The following SGCD variants were observed in gnomAD, a reference collection of about 807,000 sequenced individuals.
SGCD encodes sarcoglycan delta.
A neutral mutation model predicts 36.6 loss-of-function variants in SGCD; 18 were observed. The ratio of observed to expected loss-of-function variants is 0.49; its 90% confidence interval spans 0.34 to 0.73. SGCD has a LOEUF of 0.73. Ranked by LOEUF, SGCD falls within the 30% of genes least tolerant of loss-of-function variation. The pLI, the probability that SGCD is intolerant of heterozygous loss-of-function variation, is 0.01. For missense variants in SGCD, 387 were observed against 346.7 expected (o/e 1.12, Z -0.92); for synonymous variants, 133 against 130.6 (o/e 1.02, Z -0.12).
chr5:156,288,535 C>T (rs1260473612), intron 3 of SGCD, among the ~76,000 whole-genome samples: 1 of 152,128 alleles, frequency 6.6e-6, no homozygotes, highest in Admixed American at 6.6e-5. Flanking sequence ...AGAGAACCAA[C>T]TAGGCTTTTT....
intron 4 of SGCD, among the ~76,000 whole-genome samples, chr5:156,550,694 C>T (rs1225620707): frequency 6.6e-6 from 1 of 152,198 alleles, no homozygotes; most frequent in Non-Finnish European, 1.5e-5. Flanking sequence ...GATTCCCGCT[C>T]TCTGAGCCCA....
At chr5:156,560,988 A>G (rs775314126) in intron 4 of SGCD, among the ~76,000 whole-genome samples, 7 of 152,212 alleles carry the variant, frequency 4.6e-5, no homozygotes, top group Non-Finnish European at 1.0e-4. Context: ...AATTGCTACT[A>G]TTGTAATTAT....
At chr5:155,915,834 G>A (rs1756723118) in intron 1 of SGCD, among the ~76,000 whole-genome samples, 1 of 152,152 alleles carries the variant, frequency 6.6e-6, no homozygotes, top group South Asian at 2.1e-4. Context: ...AAGTCACATA[G>A]CACTTCCAAA....
intron 3 of SGCD, among the ~76,000 whole-genome samples, chr5:156,217,399 T>A (rs571749433): frequency 1.3e-5 from 2 of 152,162 alleles, no homozygotes; most frequent in Admixed American, 1.3e-4. Flanking sequence ...CCTCTATAGA[T>A]CACCAAGGAG....
At chr5:155,737,536 C>T in the SGCD span, among the ~76,000 whole-genome samples, 2 of 152,216 alleles carry the variant, frequency 1.3e-5, no homozygotes, top group Admixed American at 6.5e-5. Context: ...TCATGACACT[C>T]ATGGGTTGGA....
At chr5:155,808,476 A>T in the SGCD span, among the ~76,000 whole-genome samples, 1 of 152,344 alleles carries the variant, frequency 6.6e-6, no homozygotes, top group Non-Finnish European at 1.5e-5. Flanking sequence ...GCTGTTGTGA[A>T]GAATCTGTAG....
intron 3 of SGCD, among the ~76,000 whole-genome samples, chr5:156,308,768 C>T (rs1331744686): frequency 1.3e-5 from 2 of 152,122 alleles, no homozygotes; most frequent in Non-Finnish European, 2.9e-5. Context: ...CAGAACTGAA[C>T]CATATTGTAG....
chr5:156,614,356 G>A (rs1395741867), intron 6 of SGCD, among the ~76,000 whole-genome samples: 2 of 152,182 alleles, frequency 1.3e-5, no homozygotes, highest in Non-Finnish European at 2.9e-5. Context: ...AATCCAGGCA[G>A]TCTTCACCAC....
chr5:156,287,201 T>C (rs2127675969), intron 3 of SGCD, among the ~76,000 whole-genome samples: 1 of 152,286 alleles, frequency 6.6e-6, no homozygotes, highest in East Asian at 1.9e-4. Flanking sequence ...CTGTGCAACA[T>C]AATCTCTTGT....
the SGCD span, among the ~76,000 whole-genome samples, chr5:155,731,333 G>A: frequency 6.6e-6 from 1 of 152,020 alleles, no homozygotes; most frequent in Non-Finnish European, 1.5e-5. Flanking sequence ...AAAGGGAAAG[G>A]AGTGGGAATG....
intron 3 of SGCD, among the ~76,000 whole-genome samples, chr5:156,296,985 CTA>C (rs1360872194): frequency 5.3e-5 from 8 of 151,150 alleles, no homozygotes; most frequent in African/African-American, 1.7e-4. Flanking sequence ...TGTACACACT[CTA>C]TATAGTTTTC....
In SGCD at chr5:156,244,113, G is replaced by A. The variant is rs139562701; in HGVS notation, c.-43-85421G>A. On this transcript the variant is annotated intron_variant, in intron 3 of 9. Coordinates refer to the SGCD transcript ENST00000517913. Reference sequence around the variant, plus strand: ...ATTGTGTGCTACCTGGTAAAATGCAGTAAGAAGAGCACAACATCACTTCTA... The same window carrying A: ...ATTGTGTGCTACCTGGTAAAATGCAATAAGAAGAGCACAACATCACTTCTA... 3.1e-3 allele frequency among the ~76,000 whole-genome samples: 471 copies of A among 152,316 alleles called. 11 individuals are homozygous for A. In the South Asian group the frequency reaches 0.039, roughly 13 times the overall value.
At chr5:156,247,272 AG>A (rs1281519569) in intron 3 of SGCD, among the ~76,000 whole-genome samples, 6 of 152,210 alleles carry the variant, frequency 3.9e-5, no homozygotes, top group Admixed American at 2.6e-4. Context: ...CTCTTGAGAA[AG>A]CTTCCCGTTT....
intron 1 of SGCD, among the ~76,000 whole-genome samples, chr5:156,107,281 G>A (rs142494296): frequency 9.2e-5 from 14 of 152,268 alleles, no homozygotes; most frequent in Non-Finnish European, 2.1e-4. Context: ...TGTAGGTTAA[G>A]TGGTTTTAAA....
chr5:155,850,880 G>A, the SGCD span, among the ~76,000 whole-genome samples: 21 of 152,308 alleles, frequency 1.4e-4, no homozygotes, highest in Admixed American at 8.5e-4. Context: ...GACAGAAGTA[G>A]AATGGGCAAT....
Position 156,049,183 on chromosome 5 carries a change from T to C in SGCD, c.-281-68695T>C, listed in dbSNP as rs1301118835. ...GGCTCTGTTCTGTTCTGTTGGTCTA[T>C]ATCTCTGTTTTGGTACCAGTACCAT... is the stretch of plus-strand genomic sequence containing the variant. On this transcript the variant is annotated intron_variant, in intron 1 of 9. Coordinates refer to the SGCD transcript ENST00000517913. 2.0e-5 allele frequency among the ~76,000 whole-genome samples: 3 copies of C among 146,342 alleles called. 1 individual carries two copies. Among genetic ancestry groups the C allele is most frequent in the Non-Finnish European group, 4.6e-5 (3 of 64,886 alleles).
At chr5:156,418,455 C>A (rs1220768048) in intron 3 of SGCD, among the ~76,000 whole-genome samples, 1 of 152,174 alleles carries the variant, frequency 6.6e-6, no homozygotes, top group Non-Finnish European at 1.5e-5. Context: ...GACACCACCT[C>A]TGCTGCTAGA....
At position 156,565,336 on chromosome 5, in the gene SGCD, A is replaced by G. The variant is rs185379801; in HGVS notation, c.295-23895A>G. ...CTTCAAAGAATGTGTAAAATTAATT[A>G]TAAGTGAAAGTCATTTCAATTTCAG... On this transcript the variant is annotated intron_variant, in intron 4 of 8. Transcript: ENST00000337851. Among the ~76,000 whole-genome samples, 146 of 152,344 alleles carry G rather than the reference A, an allele frequency of 9.6e-4. No homozygotes were observed. The Middle Eastern group carries it at 0.014, about 14-fold the overall frequency.
At chr5:156,569,606 C>CAAAA (rs11364707) in intron 4 of SGCD, among the ~76,000 whole-genome samples, 2 of 124,516 alleles carry the variant, frequency 1.6e-5, no homozygotes, top group African/African-American at 6.1e-5. Context: ...GACCCTGTCT[C>CAAAA]AAAAAAAAAA....
Sources: allele counts gnomAD v4.1 joint callset (sites outside exome capture counted in the v4.1 genomes callset), GRCh38; gene constraint gnomAD v4.1.1; transcripts MANE v1.5; gene names NCBI Gene and HGNC (gene_info 2026-07-23, HGNC 2026-07-21).